Variants in ACTN2 observed in about 807,000 individuals in gnomAD.
ACTN2 encodes alpha-actinin-2.
A neutral mutation model predicts 113.8 loss-of-function variants in ACTN2; 39 were observed. The ratio of observed to expected loss-of-function variants is 0.34; its 90% CI spans 0.27 to 0.45. The LOEUF (loss-of-function observed/expected upper bound fraction) is 0.45, where lower values mean the gene tolerates loss of function less well. ACTN2 is among the 20% of genes least tolerant of loss of function. The pLI, the probability that ACTN2 is intolerant of heterozygous loss-of-function variation, is 1.00. For missense variants in ACTN2, 992 were observed against 1,177.9 expected (o/e 0.84, Z 2.31); for synonymous variants, 429 against 444.1 (o/e 0.97, Z 0.43).
chr1:236,705,449 C>A (rs933211532), intron 1 of ACTN2, among the ~76,000 whole-genome samples: 1 of 152,160 alleles, frequency 6.6e-6, no homozygotes, highest in South Asian at 2.1e-4. Flanking sequence ...AAAGAGCATC[C>A]AAAGGGTAAG....
chr1:236,707,931 C>G (rs904959282), intron 1 of ACTN2, among the ~76,000 whole-genome samples: 1 of 151,692 alleles, frequency 6.6e-6, no homozygotes. Context: ...AGGCTGGTCT[C>G]GAACTCCTAG....
chr1:236,736,899 A>C, intron 8 of ACTN2: 1 of 613,076 alleles, frequency 1.6e-6, no homozygotes, highest in Non-Finnish European at 2.9e-6. Flanking sequence ...CCTACAGTCT[A>C]ATCAGCCTGC....
chr1:236,721,022 G>GGTT (rs1658373894), intron 4 of ACTN2, among the ~76,000 whole-genome samples: 1 of 66,500 alleles, frequency 1.5e-5, no homozygotes, highest in Admixed American at 2.5e-4. Flanking sequence ...TTTGTTTTTT[G>GGTT]TTTTTTTTTT....
intron 1 of ACTN2, among the ~76,000 whole-genome samples, chr1:236,705,911 A>G (rs1300429673): frequency 6.6e-6 from 1 of 152,190 alleles, no homozygotes; most frequent in African/African-American, 2.4e-5. Flanking sequence ...CTAAATGGAA[A>G]TCAGTCTTGT....
intron 1 of ACTN2, among the ~76,000 whole-genome samples, chr1:236,709,216 GACTGTATA>G (rs1247828943): frequency 1.6e-5 from 1 of 64,092 alleles, no homozygotes; most frequent in African/African-American, 8.7e-5. Context: ...CATGACAAAT[GACTGTATA>G]TATATATATA....
intron 1 of ACTN2, among the ~76,000 whole-genome samples, chr1:236,707,359 G>A (rs1490696267): frequency 6.6e-6 from 1 of 152,206 alleles, no homozygotes; most frequent in Non-Finnish European, 1.5e-5. Flanking sequence ...TCCATGAATT[G>A]TGCTAAGCAA....
At chr1:236,712,887 G>GT (rs138780535) in intron 1 of ACTN2, among the ~76,000 whole-genome samples, 2,585 of 147,960 alleles carry the variant, frequency 0.017, 50 homozygotes, top group Non-Finnish European at 0.026. Flanking sequence ...TTTTATAAAT[G>GT]TTTATCTCAT....
chr1:236,731,128 G>A (rs765058075), intron 6 of ACTN2, 105 bp from the exon 7 acceptor site: 39 of 790,812 alleles, frequency 4.9e-5, no homozygotes, highest in Non-Finnish European at 8.0e-5. Context: ...GATTGTGTGT[G>A]GGTGGGAAGG....
Position 236,755,053 on chromosome 1 carries a change from C to G in ACTN2, c.2009C>G (p.Ala670Gly). The change falls in exon 17 of 21, where the codon GCC (alanine) becomes GGC (glycine). Residue 670 changes from alanine (A) to glycine (G), a missense_variant. Coordinates refer to ENST00000366578, the MANE Select transcript of ACTN2 (RefSeq NM_001103.4). Reference protein sequence around the residue: ...IARSSIQITGALEDQMNQLKQ... With the variant: ...IARSSIQITGGLEDQMNQLKQ... ...CGGAGCTCCATCCAGATCACAGGAG[C>G]CCTGGAAGACCAGATGAACCAGCTG... is the stretch of plus-strand genomic sequence containing the variant. 6.2e-7 allele frequency: 1 copy of G among 1,614,214 alleles called. No homozygotes were observed. Among genetic ancestry groups the G allele is most frequent in the South Asian group, 1.1e-5 (1 of 91,084 alleles).
intron 7 of ACTN2, chr1:236,734,579 C>T (rs1487449214): frequency 7.8e-7 from 1 of 1,279,314 alleles, no homozygotes; most frequent in Non-Finnish European, 1.1e-6. Context: ...AATTTTTTTT[C>T]AATTGTTTTC....
rs1553302181 is a variant in ACTN2 at position 236,737,167 on chromosome 1, C to G, written c.829C>G (p.Gln277Glu). 2 of 1,607,612 alleles carry G rather than the reference C, an allele frequency of 1.2e-6. No homozygotes were observed. Among genetic ancestry groups the G allele is most frequent in the Middle Eastern group, 1.7e-4 (1 of 6,024 alleles). Residue 277 changes from glutamine (Q) to glutamate (E), a missense_variant, in exon 9 of 21, where the codon CAA becomes GAA. By Grantham distance (29) the Gln-to-Glu change is conservative. Transcript: ENST00000366578. Reference sequence around the variant, plus strand: ...GATATGTAAGGTTCTTGCTGTGAATCAAGAGAATGAGAGGCTGATGGAAGA... The same window carrying G: ...GATATGTAAGGTTCTTGCTGTGAATGAAGAGAATGAGAGGCTGATGGAAGA... The part of the protein sequence containing the change: ...NRICKVLAVN[Q>E]ENERLMEEYE...
intron 4 of ACTN2, among the ~76,000 whole-genome samples, chr1:236,722,076 T>A (rs1192508206): frequency 6.6e-6 from 1 of 152,192 alleles, no homozygotes; most frequent in African/African-American, 2.4e-5. Flanking sequence ...GGAAAGTACC[T>A]ACTAGATCTC....
chr1:236,737,276 G>C, intron 9 of ACTN2, 62 bp downstream of exon 9: 1 of 819,644 alleles, frequency 1.2e-6, no homozygotes, highest in Admixed American at 2.3e-5. Flanking sequence ...GGCACAGAGG[G>C]TGAAAAAATA....
At chr1:236,736,631 A>C in intron 8 of ACTN2, 2 of 1,535,012 alleles carry the variant, frequency 1.3e-6, no homozygotes, top group South Asian at 2.4e-5. Context: ...TGTTCATATC[A>C]GGAGATGAGG....
Position 236,719,502 on chromosome 1 carries a change from T to C in ACTN2, c.361+489T>C, listed in dbSNP as rs1171079834. ...CTCTTTATTTGATTATTTAAAACTT[T>C]AGCTCATGGCTGGGCACAGTGGCTC... On this transcript the variant is annotated intron_variant, in intron 3 of 20. Coordinates refer to ENST00000366578, the MANE Select transcript of ACTN2 (RefSeq NM_001103.4). 5.9e-5 allele frequency among the ~76,000 whole-genome samples: 9 copies of C among 152,302 alleles called. No individual in the cohort carries two copies. In the East Asian group the frequency reaches 9.7e-4, roughly 16 times the overall value.
intron 18 of ACTN2, 47 bp downstream of exon 18, chr1:236,757,679 A>T (rs748688472): frequency 6.2e-7 from 1 of 1,608,628 alleles, no homozygotes; most frequent in Non-Finnish European, 8.5e-7. Flanking sequence ...GACATTAAAC[A>T]ATGTATCTGA....
rs1659126160 is a variant in ACTN2 at position 236,743,184 on chromosome 1, C to T, written c.1255+141C>T. 6.7e-6 allele frequency: 7 copies of T among 1,039,932 alleles called. No individual in the cohort carries two copies. In the Admixed American group the frequency reaches 1.4e-4, roughly 21 times the overall value. The allele number at this position is 1,039,932 out of a possible 1,614,324, so 64.4% of individuals were successfully genotyped here. A position where few individuals can be genotyped will look rare whatever the true frequency, so the allele number is the denominator to read the frequency against. On this transcript the variant is annotated intron_variant, in intron 11 of 20. Coordinates refer to ENST00000366578, the MANE Select transcript of ACTN2 (RefSeq NM_001103.4). ...TCGTCACCTTTCTCTGCTCTTGTCT[C>T]AGTGCCAAATTTATTTAAGAGGTAG...
At chr1:236,744,523 C>T in intron 11 of ACTN2, 103 bp from the exon 12 acceptor site, 1 of 1,404,456 alleles carries the variant, frequency 7.1e-7, no homozygotes, top group Non-Finnish European at 9.9e-7. Context: ...CTGTCCCCTT[C>T]TCTTGGTTCT....
At chr1:236,698,023 C>T (rs897308852) in intron 1 of ACTN2, among the ~76,000 whole-genome samples, 14 of 150,664 alleles carry the variant, frequency 9.3e-5, no homozygotes, top group Admixed American at 3.3e-4. Flanking sequence ...ATCCACCTGC[C>T]GTGGCCTCCC....
Sources: gnomAD v4.1 joint callset for allele counts (sites outside exome capture counted in the v4.1 genomes callset) on GRCh38, gnomAD v4.1.1 for gene constraint, MANE v1.5 for transcripts, NCBI Gene and HGNC (gene_info 2026-07-23, HGNC 2026-07-21) for gene names.